The following PLEKHS1 variants were observed in gnomAD, a reference collection of about 807,000 sequenced individuals.
The protein encoded by PLEKHS1 is pleckstrin homology domain-containing family S member 1.
In PLEKHS1, 55 loss-of-function variants were observed where a neutral mutation model predicts 51.0. The ratio of observed to expected loss-of-function variants is 1.08; its 90% CI spans 0.87 to 1.35. PLEKHS1 has a LOEUF of 1.35. Among genes scored for constraint, PLEKHS1 ranks in the 40% most tolerant of loss-of-function variants. The pLI, the probability that PLEKHS1 is intolerant of heterozygous loss-of-function variation, is 0.00. For synonymous variants in PLEKHS1, 153 were observed against 144.8 expected (o/e 1.06, Z -0.41); for missense variants, 398 against 423.0 (o/e 0.94, Z 0.52).
At chr10:113,780,841 C>T in exon 12 of PLEKHS1, 1 of 1,439,376 alleles carries the variant, frequency 6.9e-7, no homozygotes, top group Non-Finnish European at 9.3e-7. Context: ...AGCTCTGCCC[C>T]CTGCTGCTGC....
rs753913427 is a variant in PLEKHS1, at chr10:113,771,936, G to A, written c.553-34G>A. 3 of 1,588,036 alleles carry A rather than the reference G, an allele frequency of 1.9e-6. No homozygotes were observed. In the East Asian group the frequency reaches 6.7e-5, roughly 36 times the overall value. On this transcript the variant is annotated intron_variant, in intron 7 of 11. Transcript: ENST00000361048. ...GTGATTTAATTCTATCTCTTGCAAA[G>A]AAAAAGCAAAGCATTTTTATCTCTT...
intron 8 of PLEKHS1, among the ~76,000 whole-genome samples, chr10:113,773,558 C>T (rs923005314): frequency 3.3e-5 from 5 of 151,932 alleles, no homozygotes; most frequent in African/African-American, 9.7e-5. Context: ...TTCAGTAGGC[C>T]GAAAGGAAAG....
At chr10:113,768,714 C>A in intron 5 of PLEKHS1, 101 bp from the exon 6 acceptor site, 2 of 909,746 alleles carry the variant, frequency 2.2e-6, no homozygotes, top group South Asian at 1.8e-5. Flanking sequence ...TCGCTGGTAC[C>A]TGCTCTCACC....
At chr10:113,758,172 T>G (rs1843758417) in intron 2 of PLEKHS1, among the ~76,000 whole-genome samples, 1 of 152,238 alleles carries the variant, frequency 6.6e-6, no homozygotes, top group African/African-American at 2.4e-5. Flanking sequence ...TCTAGAATGG[T>G]GAATCCTTTC....
chr10:113,769,791 T>A, exon 7 of PLEKHS1: 2 of 1,609,838 alleles, frequency 1.2e-6, no homozygotes, highest in Non-Finnish European at 1.7e-6. Context: ...CAGGAGGAAC[T>A]CTCATTGGGT....
chr10:113,772,332 G>C (rs186679574), intron 8 of PLEKHS1, among the ~76,000 whole-genome samples: 2 of 152,290 alleles, frequency 1.3e-5, no homozygotes, highest in East Asian at 1.9e-4. Flanking sequence ...GGGAGGAGGA[G>C]ATGACTTTCA....
chr10:113,777,977 G>A (rs751388053), intron 11 of PLEKHS1: 7 of 338,354 alleles, frequency 2.1e-5, no homozygotes, highest in South Asian at 3.3e-5. Flanking sequence ...AAGACAGAGC[G>A]AGACCCTGTC....
chr10:113,782,396 G>C (rs2134602211), exon 12 of PLEKHS1: 1 of 152,248 alleles, frequency 6.6e-6, no homozygotes, highest in East Asian at 1.9e-4. Context: ...TACCCAGATT[G>C]TTCGGAAAGT....
intron 11 of PLEKHS1, among the ~76,000 whole-genome samples, chr10:113,779,394 C>T (rs1844800695): frequency 6.6e-6 from 1 of 152,104 alleles, no homozygotes; most frequent in Non-Finnish European, 1.5e-5. Context: ...TATAGTGAAA[C>T]CCCGTCTGTA....
rs567338252 is a variant in PLEKHS1, at chr10:113,755,325, G to A, written c.28+20G>A. 22 of 1,600,628 alleles carry A rather than the reference G, an allele frequency of 1.4e-5. No individual in the cohort carries two copies. The highest frequency in any genetic ancestry group is 4.0e-5 in the African/African-American group (3 of 74,278). ...GTCCAGGTACCCGAGGGGTATAATCGCAGAAGCAGAAATCTTTTTATTGAA... is the reference window on the plus strand; with the variant it reads ...GTCCAGGTACCCGAGGGGTATAATCACAGAAGCAGAAATCTTTTTATTGAA... On this transcript the variant is annotated intron_variant, in intron 2 of 11. Coordinates refer to ENST00000361048, the Ensembl canonical transcript of PLEKHS1.
At chr10:113,777,895 C>A in intron 11 of PLEKHS1, 1 of 738,378 alleles carries the variant, frequency 1.4e-6, no homozygotes, top group Non-Finnish European at 2.0e-6. Context: ...AAGGCCAAGG[C>A]AGGAGAATCA....
intron 10 of PLEKHS1, among the ~76,000 whole-genome samples, chr10:113,775,434 C>G (rs1844605467): frequency 2.0e-5 from 3 of 152,116 alleles, no homozygotes; most frequent in Admixed American, 2.0e-4. Flanking sequence ...ATACCAAGAG[C>G]ATTTGGTACG....
intron 6 of PLEKHS1, among the ~76,000 whole-genome samples, chr10:113,769,409 T>G (rs114498224): frequency 6.6e-6 from 1 of 152,184 alleles, no homozygotes; most frequent in Non-Finnish European, 1.5e-5. Flanking sequence ...TTTTTTGACA[T>G]GTTTTCTAGG....
At chr10:113,754,129 C>T (rs1853984898) in intron 1 of PLEKHS1, among the ~76,000 whole-genome samples, 2 of 152,080 alleles carry the variant, frequency 1.3e-5, no homozygotes, top group Non-Finnish European at 1.5e-5. Context: ...ATTTTTTCAT[C>T]TCTGTATATG....
At chr10:113,766,497 G>A in exon 3 of PLEKHS1, 2 of 1,601,168 alleles carry the variant, frequency 1.2e-6, no homozygotes, top group Non-Finnish European at 1.7e-6. Context: ...GTTCTCCTCT[G>A]TGGTAAGTAT....
chr10:113,761,762 T>G (rs1843942325), intron 2 of PLEKHS1, among the ~76,000 whole-genome samples: 2 of 152,088 alleles, frequency 1.3e-5, no homozygotes, highest in African/African-American at 4.8e-5. Context: ...TTATTTTTAC[T>G]TATTTTGGAT....
At chr10:113,767,194 A>T in intron 4 of PLEKHS1, 151 bp from the exon 5 acceptor site, 1 of 563,360 alleles carries the variant, frequency 1.8e-6, no homozygotes, top group East Asian at 3.5e-5. Context: ...AGATCAAAAA[A>T]TCCAAACTTA....
exon 3 of PLEKHS1, chr10:113,766,471 C>T: frequency 6.2e-7 from 1 of 1,604,314 alleles, no homozygotes; most frequent in Non-Finnish European, 8.5e-7. Flanking sequence ...TTTATTAAAT[C>T]ACCACCTTCT....
chr10:113,768,210 A>G (rs1326898264), intron 5 of PLEKHS1, among the ~76,000 whole-genome samples: 3 of 152,162 alleles, frequency 2.0e-5, no homozygotes, highest in Non-Finnish European at 2.9e-5. Context: ...TGCAGTTTTT[A>G]AGAGGGGCTT....
Sources: allele counts gnomAD v4.1 joint callset (sites outside exome capture counted in the v4.1 genomes callset), GRCh38; gene constraint gnomAD v4.1.1; transcripts MANE v1.5; gene names NCBI Gene and HGNC (gene_info 2026-07-23, HGNC 2026-07-21).